SEL1L: variants seen among roughly 807,000 people sequenced by gnomAD.
The protein encoded by SEL1L is SEL1L adaptor subunit of SYVN1 ubiquitin ligase.
In SEL1L, 52 loss-of-function variants were observed where a neutral mutation model predicts 109.8. The ratio of observed to expected loss-of-function variants is 0.47; its 90% confidence interval spans 0.38 to 0.60. The LOEUF (loss-of-function observed/expected upper bound fraction) is 0.60. Among genes scored for constraint, SEL1L ranks in the 20% least tolerant of loss-of-function variants. The probability of loss-of-function intolerance (pLI) is 0.00; values close to 1 mark genes in which losing one functional copy is unlikely to be tolerated. For missense variants in SEL1L, 749 were observed against 962.2 expected, an observed-to-expected ratio of 0.78 and a Z score of 2.93; for synonymous variants, 373 against 339.6, an observed-to-expected ratio of 1.10 and a Z score of -1.08.
At position 81,485,652 on chromosome 14, in the gene SEL1L, T is replaced by A; in HGVS notation, c.1873+20A>T. 6.2e-7 allele frequency: 1 copy of A among 1,605,302 alleles called. No homozygotes were observed. Among genetic ancestry groups the A allele is most frequent in the Non-Finnish European group, 8.5e-7 (1 of 1,172,102 alleles). ...GGGAGGTCCCTGGGTGAAACTCTTA[T>A]CTTAGAATTAATCACTTACCTTGAG... On this transcript the variant is annotated intron_variant, in intron 18 of 20. Coordinates refer to ENST00000336735, the MANE Select transcript of SEL1L (RefSeq NM_005065.6).
intron 19 of SEL1L, among the ~76,000 whole-genome samples, chr14:81,482,061 T>C (rs1249506528): frequency 1.3e-5 from 2 of 152,042 alleles, no homozygotes; most frequent in African/African-American, 2.4e-5. Flanking sequence ...ATGGAGTTAC[T>C]GATTTTCATA....
intron 1 of SEL1L, among the ~76,000 whole-genome samples, chr14:81,530,796 T>C (rs1443243027): frequency 2.0e-5 from 3 of 152,194 alleles, no homozygotes; most frequent in Non-Finnish European, 2.9e-5. Flanking sequence ...TTTTGTATAC[T>C]TAAACCTAAA....
Position 81,479,687 on chromosome 14 carries a change from A to C in SEL1L, c.2100T>G (p.Asp700Glu). ...FYDMAAEASP[D>E]AQVPVFLALC... ...GGGCTAGGAAGACTGGAACTTGTGC[A>C]TCTGGGCTGGCTTCAGCTGCCATGT... Residue 700 changes from aspartate (D) to glutamate (E), a missense_variant, in exon 20 of 21, where the codon GAT (aspartate) becomes GAG (glutamate). By Grantham distance (45) the Asp-to-Glu change is conservative. Coordinates refer to ENST00000336735, the MANE Select transcript of SEL1L (RefSeq NM_005065.6). 6.2e-7 allele frequency: 1 copy of C among 1,614,220 alleles called. No homozygotes were observed. The highest frequency in any genetic ancestry group is 8.5e-7 in the Non-Finnish European group (1 of 1,180,020).
intron 3 of SEL1L, among the ~76,000 whole-genome samples, chr14:81,512,250 A>G (rs1264672602): frequency 6.6e-6 from 1 of 152,170 alleles, no homozygotes; most frequent in Non-Finnish European, 1.5e-5. Flanking sequence ...TGAAGACTGA[A>G]CCCTATGAGG....
chr14:81,504,512 T>C (rs1005904819), intron 4 of SEL1L, among the ~76,000 whole-genome samples: 3 of 151,960 alleles, frequency 2.0e-5, no homozygotes, highest in Non-Finnish European at 4.4e-5. Flanking sequence ...CACACATATA[T>C]AAAATTCACT....
intron 3 of SEL1L, among the ~76,000 whole-genome samples, chr14:81,515,314 AGGGTCTAG>A (rs1285142572): frequency 3.3e-5 from 5 of 152,356 alleles, no homozygotes; most frequent in African/African-American, 9.6e-5. Flanking sequence ...GATGTCCTAC[AGGGTCTAG>A]GGCAAACCTT....
chr14:81,508,788 T>C lies in SEL1L; in HGVS notation c.341-2547A>G, dbSNP rs1035181572. Among the ~76,000 whole-genome samples the C allele has an allele frequency of 3.9e-5, 6 of 152,220 alleles. No individual in the cohort carries two copies. In the East Asian group the frequency reaches 5.8e-4, roughly 15 times the overall value. On this transcript the variant is annotated intron_variant, in intron 3 of 20. Transcript: ENST00000336735. The stretch of plus-strand genomic sequence containing the variant: ...AAAAGAATTAACACTTCTATGATAA[T>C]AGAAATCTTTGTCTTAAAAACAAAT...
chr14:81,501,700 T>A (rs1884015581), intron 6 of SEL1L, among the ~76,000 whole-genome samples: 1 of 152,282 alleles, frequency 6.6e-6, no homozygotes, highest in Admixed American at 6.5e-5. Flanking sequence ...GAAGGAATTT[T>A]AAATAAATAT....
rs1883836174 is a variant in SEL1L at position 81,497,928 on chromosome 14, G to A, written c.1092C>T (p.Tyr364=). The A allele has an allele frequency of 6.2e-7, 1 of 1,613,938 alleles. No individual in the cohort carries two copies. The highest frequency in any genetic ancestry group is 8.5e-7 in the Non-Finnish European group (1 of 1,179,932). The change falls in exon 10 of 21, where the codon TAC becomes TAT. Residue 364 remains tyrosine (Y), a synonymous_variant. Coordinates refer to ENST00000336735, the MANE Select transcript of SEL1L (RefSeq NM_005065.6). Reference sequence around the variant, plus strand: ...CATCACCTTTTTCAGCTAGGAACTGGTAATATTGAATCAAATCTTCTTCTA... The same window carrying A: ...CATCACCTTTTTCAGCTAGGAACTGATAATATTGAATCAAATCTTCTTCTA... ...GMLEEDLIQY[Y]QFLAEKGDVQ...
At chr14:81,492,449 T>A (rs757897948) in intron 12 of SEL1L, 31 bp downstream of exon 12, 36 of 1,497,946 alleles carry the variant, frequency 2.4e-5, no homozygotes, top group Non-Finnish European at 3.2e-5. Flanking sequence ...CCTCTTGCTA[T>A]TACATAAAAC....
chr14:81,502,608 G>GT, intron 6 of SEL1L, 113 bp downstream of exon 6: 1 of 1,033,206 alleles, frequency 9.7e-7, no homozygotes, highest in Non-Finnish European at 1.4e-6. Context: ...CACAAAATTG[G>GT]TATTTATCTT....
chr14:81,477,501 GAAAAC>G (rs746172290), intron 20 of SEL1L, among the ~76,000 whole-genome samples: 56 of 152,020 alleles, frequency 3.7e-4, no homozygotes, highest in African/African-American at 1.3e-3. Flanking sequence ...AAAATATTTG[GAAAAC>G]AAAACAAAAC....
chr14:81,510,514 CTA>C (rs1555346599), intron 3 of SEL1L, among the ~76,000 whole-genome samples: 5,817 of 103,810 alleles, frequency 0.056, 171 homozygotes, highest in Non-Finnish European at 0.066. Context: ...CTCTCTCTCT[CTA>C]TATATATATA....
intron 3 of SEL1L, among the ~76,000 whole-genome samples, chr14:81,514,366 C>T (rs986226478): frequency 3.9e-5 from 6 of 152,232 alleles, no homozygotes; most frequent in Admixed American, 3.3e-4. Flanking sequence ...TATGGCCCTC[C>T]ACTTCATTTT....
At chr14:81,492,250 C>T (rs1324744076) in intron 12 of SEL1L, among the ~76,000 whole-genome samples, 1 of 152,178 alleles carries the variant, frequency 6.6e-6, no homozygotes. Flanking sequence ...CTCAGCCTCC[C>T]AAAGTGCTGG....
intron 6 of SEL1L, among the ~76,000 whole-genome samples, chr14:81,501,597 T>C (rs969719689): frequency 2.6e-5 from 4 of 152,188 alleles, no homozygotes; most frequent in Non-Finnish European, 5.9e-5. Flanking sequence ...ACTCCTGTTA[T>C]TGTTTATATA....
At chr14:81,500,264 T>C (rs569812269) in intron 6 of SEL1L, among the ~76,000 whole-genome samples, 52 of 152,178 alleles carry the variant, frequency 3.4e-4, no homozygotes, top group Middle Eastern at 6.8e-3. Context: ...GACAGAGTCT[T>C]GCTCTGTCGC....
rs372077809 is a variant in SEL1L at position 81,528,775 on chromosome 14, A to T, written c.71-1037T>A. Among the ~76,000 whole-genome samples the T allele has an allele frequency of 1.1e-4, 17 of 152,284 alleles. No homozygotes were observed. The South Asian group carries it at 3.3e-3, about 30-fold the overall frequency. On this transcript the variant is annotated intron_variant, in intron 1 of 20. Transcript: ENST00000336735. Reference sequence around the variant, plus strand: ...GTCATTTTTTACTAGAAAATTTGCTACTATAGTTGTCATTTATACTTTACT... The same window carrying T: ...GTCATTTTTTACTAGAAAATTTGCTTCTATAGTTGTCATTTATACTTTACT...
intron 10 of SEL1L, among the ~76,000 whole-genome samples, chr14:81,495,676 C>T (rs560603084): frequency 2.0e-5 from 3 of 152,076 alleles, no homozygotes; most frequent in South Asian, 2.1e-4. Context: ...TGGGCTCATG[C>T]CTGTAATCCC....
Sources: allele counts gnomAD v4.1 joint callset (sites outside exome capture counted in the v4.1 genomes callset), GRCh38; gene constraint gnomAD v4.1.1; transcripts MANE v1.5; gene names NCBI Gene and HGNC (gene_info 2026-07-23, HGNC 2026-07-21).